The following KCNQ5 variants were observed in gnomAD, a reference collection of about 807,000 sequenced individuals.
The protein encoded by KCNQ5 is potassium voltage-gated channel subfamily Q member 5.
Under a neutral mutation model 98.2 loss-of-function variants are expected in KCNQ5, and 30 were observed. The ratio of observed to expected loss-of-function variants is 0.31; its 90% CI spans 0.23 to 0.41. The LOEUF (loss-of-function observed/expected upper bound fraction) is 0.41. Among genes scored for constraint, KCNQ5 ranks in the 10% least tolerant of loss-of-function variants. The pLI, the probability that KCNQ5 is intolerant of heterozygous loss-of-function variation, is 1.00. For missense variants in KCNQ5, 835 were observed against 1,182.5 expected (o/e 0.71, Z 4.31); for synonymous variants, 458 against 449.4 (o/e 1.02, Z -0.24).
intron 1 of KCNQ5, among the ~76,000 whole-genome samples, chr6:72,912,184 C>T (rs866442577): frequency 3.9e-5 from 6 of 152,134 alleles, no homozygotes; most frequent in Non-Finnish European, 4.4e-5. Context: ...ATCCAGTATA[C>T]TCACTGTCAC....
In KCNQ5 at chr6:72,658,578, ATTT is replaced by A. The variant is rs1219877866; in HGVS notation, c.398+36009_398+36011del. On this transcript the variant is annotated intron_variant, in intron 1 of 13. Transcript: ENST00000370398. ...TTAAAGGATATATATATATATATATATTTTTTTTTTTTTTTTTTTTGAGACAGG... is the reference window on the plus strand; with the variant it reads ...TTAAAGGATATATATATATATATATATTTTTTTTTTTTTTTTTGAGACAGG... Among the ~76,000 whole-genome samples, 94 of 76,352 alleles carry A rather than the reference ATTT, an allele frequency of 1.2e-3. 1 individual carries two copies. Among genetic ancestry groups the A allele is most frequent in the African/African-American group, 3.8e-3 (88 of 22,912 alleles). 50.1% of individuals were successfully genotyped at this position (76,352 alleles called of 152,430 possible). A position where few individuals can be genotyped will look rare whatever the true frequency, so the allele number is the denominator to read the frequency against.
At chr6:73,153,734 A>C (rs906930510) in intron 10 of KCNQ5, among the ~76,000 whole-genome samples, 1 of 152,156 alleles carries the variant, frequency 6.6e-6, no homozygotes, top group East Asian at 1.9e-4. Flanking sequence ...CTGCATTTGA[A>C]TGTGTCCTTC....
At chr6:72,723,538 C>T (rs111630233) in intron 1 of KCNQ5, among the ~76,000 whole-genome samples, 24 of 152,268 alleles carry the variant, frequency 1.6e-4, no homozygotes, top group African/African-American at 5.3e-4. Flanking sequence ...ATCTCACAGA[C>T]AGGGTTTGCT....
intron 11 of KCNQ5, among the ~76,000 whole-genome samples, chr6:73,173,373 G>A (rs946176554): frequency 6.6e-6 from 1 of 152,110 alleles, no homozygotes; most frequent in Non-Finnish European, 1.5e-5. Flanking sequence ...GATAAAATTA[G>A]CAGGAAAGTA....
chr6:73,121,847 C>G (rs1263077563), intron 8 of KCNQ5, among the ~76,000 whole-genome samples: 2 of 152,206 alleles, frequency 1.3e-5, no homozygotes, highest in Non-Finnish European at 2.9e-5. Context: ...AAGAGAAGGA[C>G]AAGAGTTGGG....
At chr6:73,034,955 C>T (rs1056742835) in intron 2 of KCNQ5, among the ~76,000 whole-genome samples, 3 of 151,558 alleles carry the variant, frequency 2.0e-5, no homozygotes, top group Admixed American at 1.3e-4. Context: ...ACGCCATTCT[C>T]CTGCCTCAGC....
At chr6:72,960,671 C>A (rs1436787367) in intron 1 of KCNQ5, among the ~76,000 whole-genome samples, 12 of 152,200 alleles carry the variant, frequency 7.9e-5, no homozygotes, top group Admixed American at 7.8e-4. Flanking sequence ...TGTGATCTGC[C>A]TGCCTCAGTC....
At chr6:73,061,194 A>G (rs1336155367) in intron 3 of KCNQ5, among the ~76,000 whole-genome samples, 4 of 152,190 alleles carry the variant, frequency 2.6e-5, no homozygotes, top group Admixed American at 6.5e-5. Context: ...GAAAAATAAA[A>G]GTTGACTTTC....
At chr6:72,804,004 G>A (rs1328898558) in intron 1 of KCNQ5, among the ~76,000 whole-genome samples, 1 of 151,996 alleles carries the variant, frequency 6.6e-6, no homozygotes, top group African/African-American at 2.4e-5. Context: ...ATAAACTTGT[G>A]CATTTATATA....
chr6:73,002,279 T>C (rs9446814), intron 1 of KCNQ5, among the ~76,000 whole-genome samples: 8,977 of 152,234 alleles, frequency 0.059, 807 homozygotes, highest in African/African-American at 0.2. Context: ...AGAAGTGTCT[T>C]CCTGAGCCGA....
chr6:73,110,153 A>C (rs945207132), intron 6 of KCNQ5, among the ~76,000 whole-genome samples: 5 of 152,232 alleles, frequency 3.3e-5, no homozygotes, highest in African/African-American at 1.2e-4. Context: ...TACCTGTAGC[A>C]AATACTGACT....
At chr6:72,842,439 C>T (rs1053038145) in intron 1 of KCNQ5, among the ~76,000 whole-genome samples, 2 of 152,088 alleles carry the variant, frequency 1.3e-5, no homozygotes, top group African/African-American at 4.8e-5. Context: ...TTTGTAAAAC[C>T]GTTATAGTAA....
At chr6:72,722,845 T>C (rs1770041063) in intron 1 of KCNQ5, among the ~76,000 whole-genome samples, 1 of 144,222 alleles carries the variant, frequency 6.9e-6, no homozygotes, top group Admixed American at 6.8e-5. Context: ...TAGGGTTTGG[T>C]TGACTTTTTT....
chr6:72,665,146 G>C (rs1766736751), intron 1 of KCNQ5, among the ~76,000 whole-genome samples: 1 of 151,932 alleles, frequency 6.6e-6, no homozygotes, highest in Non-Finnish European at 1.5e-5. Flanking sequence ...TTCAGAGTTG[G>C]AGACCAGCCT....
intron 1 of KCNQ5, among the ~76,000 whole-genome samples, chr6:72,791,068 G>C (rs1007724785): frequency 3.3e-5 from 5 of 152,188 alleles, no homozygotes; most frequent in African/African-American, 1.2e-4. Context: ...AAATAAACAG[G>C]ATGTGGTCTT....
intron 3 of KCNQ5, among the ~76,000 whole-genome samples, chr6:73,063,686 T>TAGATAGATGATAGATA (rs55995543): frequency 0.056 from 5,180 of 92,336 alleles, 408 homozygotes; most frequent in Non-Finnish European, 0.077. Context: ...GATAGATAGA[T>TAGATAGATGATAGATA]GATAGATAGA....
intron 1 of KCNQ5, among the ~76,000 whole-genome samples, chr6:72,664,541 G>A (rs1028885780): frequency 6.6e-6 from 1 of 152,010 alleles, no homozygotes; most frequent in Non-Finnish European, 1.5e-5. Context: ...TGAAATCCCA[G>A]CTACTCAGGA....
chr6:73,162,898 T>G (rs1777667077), intron 10 of KCNQ5, among the ~76,000 whole-genome samples: 2 of 152,126 alleles, frequency 1.3e-5, no homozygotes, highest in African/African-American at 4.8e-5. Context: ...TTCATTGACG[T>G]GTCTAAATGA....
At chr6:72,938,676 C>T (rs376013020) in intron 1 of KCNQ5, among the ~76,000 whole-genome samples, 6 of 152,232 alleles carry the variant, frequency 3.9e-5, no homozygotes, top group African/African-American at 1.2e-4. Flanking sequence ...CGAGTCACCA[C>T]GCCCAGCAAA....
Sources: allele counts gnomAD v4.1 joint callset (sites outside exome capture counted in the v4.1 genomes callset), GRCh38; gene constraint gnomAD v4.1.1; transcripts MANE v1.5; gene names NCBI Gene and HGNC (gene_info 2026-07-23, HGNC 2026-07-21).